Variants in SYN3 observed in about 807,000 individuals in gnomAD.
SYN3 encodes the protein synapsin-3.
Under a neutral mutation model 65.8 loss-of-function variants are expected in SYN3, and 35 were observed. The ratio of observed to expected loss-of-function variants is 0.53; its 90% CI spans 0.41 to 0.70. The LOEUF (loss-of-function observed/expected upper bound fraction) is 0.70. Among genes scored for constraint, SYN3 ranks in the 30% least tolerant of loss-of-function variants. The pLI, the probability that SYN3 is intolerant of heterozygous loss-of-function variation, is 0.00. For missense variants in SYN3, 680 were observed against 749.0 expected, an observed-to-expected ratio of 0.91 and a Z score of 1.08; for synonymous variants, 270 against 292.9, an observed-to-expected ratio of 0.92 and a Z score of 0.80.
At chr22:32,632,098 C>T (rs1040318414) in intron 6 of SYN3, among the ~76,000 whole-genome samples, 1 of 152,216 alleles carries the variant, frequency 6.6e-6, no homozygotes, top group Non-Finnish European at 1.5e-5. Context: ...AATTCCTGGA[C>T]TGGGGGCCTC....
At chr22:32,971,642 C>T (rs773807850) in intron 3 of SYN3, among the ~76,000 whole-genome samples, 9 of 152,136 alleles carry the variant, frequency 5.9e-5, no homozygotes, top group South Asian at 2.1e-4. Context: ...TCACGGGTCA[C>T]GTACAGTCCT....
chr22:33,028,288 A>G (rs2053672484), intron 1 of SYN3, among the ~76,000 whole-genome samples: 1 of 152,166 alleles, frequency 6.6e-6, no homozygotes, highest in Non-Finnish European at 1.5e-5. Context: ...AGAGTGGGAC[A>G]GCCTCAGGAT....
At position 32,767,473 on chromosome 22, in the gene SYN3, A is replaced by G. The variant is rs570482059; in HGVS notation, c.711+97442T>C. Among the ~76,000 whole-genome samples the G allele has an allele frequency of 3.7e-4, 57 of 152,180 alleles. 1 individual carries two copies. The highest frequency in any genetic ancestry group is 1.3e-3 in the African/African-American group (52 of 41,518). On this transcript the variant is annotated intron_variant, in intron 6 of 13. Transcript: ENST00000358763. ...AGATCCATGTTTTGACTGAATTTTC[A>G]TTTGATTGGAATACATCCTTAAGTA...
At chr22:32,774,294 C>G (rs1602114655) in intron 6 of SYN3, among the ~76,000 whole-genome samples, 1 of 152,070 alleles carries the variant, frequency 6.6e-6, no homozygotes, top group South Asian at 2.1e-4. Context: ...TGGATTAGGG[C>G]GGGCTTTAAT....
chr22:32,600,399 T>C (rs992656109), intron 6 of SYN3, among the ~76,000 whole-genome samples: 10 of 152,190 alleles, frequency 6.6e-5, no homozygotes, highest in Admixed American at 1.3e-4. Flanking sequence ...GAAGCCTCAC[T>C]CACTTACCCA....
intron 6 of SYN3, among the ~76,000 whole-genome samples, chr22:32,863,466 T>A (rs1301717861): frequency 6.6e-6 from 1 of 152,132 alleles, no homozygotes; most frequent in African/African-American, 2.4e-5. Context: ...CAAGTATGGC[T>A]TGGCCTAGTT....
intron 1 of SYN3, among the ~76,000 whole-genome samples, chr22:33,021,882 G>GTAC (rs1246923035): frequency 1.3e-5 from 2 of 150,892 alleles, no homozygotes; most frequent in African/African-American, 4.9e-5. Context: ...GTCCACTGAT[G>GTAC]TACTCTAAGC....
chr22:32,548,517 C>T (rs918976285), intron 7 of SYN3, among the ~76,000 whole-genome samples: 12 of 152,044 alleles, frequency 7.9e-5, no homozygotes, highest in African/African-American at 2.2e-4. Context: ...GGACTACAGG[C>T]GCCCACCACC....
At chr22:32,704,398 C>T (rs141163670) in intron 6 of SYN3, among the ~76,000 whole-genome samples, 96 of 152,310 alleles carry the variant, frequency 6.3e-4, no homozygotes, top group African/African-American at 2.1e-3. Flanking sequence ...GACATGATCT[C>T]ATTTTATTTT....
At chr22:32,529,184 G>C in intron 10 of SYN3, 176 bp from the exon 11 acceptor site, 1 of 712,382 alleles carries the variant, frequency 1.4e-6, no homozygotes, top group Non-Finnish European at 2.3e-6. Context: ...AGTTCCCTTC[G>C]GTTCAGTCTA....
intron 7 of SYN3, among the ~76,000 whole-genome samples, chr22:32,554,396 C>G (rs1569032553): frequency 6.6e-6 from 1 of 152,120 alleles, no homozygotes; most frequent in Non-Finnish European, 1.5e-5. Flanking sequence ...TTGTTACCAC[C>G]TTCACCTCTC....
At chr22:32,983,065 T>C (rs751339675) in intron 2 of SYN3, among the ~76,000 whole-genome samples, 9 of 152,098 alleles carry the variant, frequency 5.9e-5, no homozygotes, top group Admixed American at 1.3e-4. Context: ...GTTTCCATTT[T>C]CTCTTTTTGA....
At chr22:32,846,001 C>T (rs1436966840) in intron 6 of SYN3, among the ~76,000 whole-genome samples, 1 of 152,158 alleles carries the variant, frequency 6.6e-6, no homozygotes, top group East Asian at 1.9e-4. Context: ...CTGGGGTTGG[C>T]CAGCAATTCT....
In SYN3 at chr22:32,508,900, A is replaced by G. The variant is rs958122802; in HGVS notation, c.*4792T>C. The stretch of plus-strand genomic sequence containing the variant: ...AACTTCCAGAAGGCAGTTGATGTTC[A>G]GTTTTATGGGGTTTGCTGCTGTGTT... On this transcript the variant is annotated 3_prime_UTR_variant, in exon 14 of 14. Coordinates refer to ENST00000358763, the MANE Select transcript of SYN3 (RefSeq NM_003490.4). Among the ~76,000 whole-genome samples, 14 of 152,170 alleles carry G rather than the reference A, an allele frequency of 9.2e-5. No individual in the cohort carries two copies. Among genetic ancestry groups the G allele is most frequent in the Non-Finnish European group, 1.5e-4 (10 of 68,018 alleles).
At chr22:32,993,474 T>C (rs1000811817) in intron 2 of SYN3, among the ~76,000 whole-genome samples, 2 of 152,086 alleles carry the variant, frequency 1.3e-5, no homozygotes, top group Admixed American at 1.3e-4. Flanking sequence ...TCCTCCCGAG[T>C]AGCTGGGACT....
chr22:32,901,871 T>G (rs2049769546), intron 4 of SYN3, among the ~76,000 whole-genome samples: 1 of 152,244 alleles, frequency 6.6e-6, no homozygotes, highest in Admixed American at 6.5e-5. Flanking sequence ...AATCATGGTT[T>G]GAGCTGGGCC....
At chr22:32,979,804 T>C (rs568058986) in intron 3 of SYN3, among the ~76,000 whole-genome samples, 21 of 152,208 alleles carry the variant, frequency 1.4e-4, no homozygotes, top group African/African-American at 5.1e-4. Flanking sequence ...GTTGGACAGA[T>C]GAAGAAATTG....
intron 6 of SYN3, among the ~76,000 whole-genome samples, chr22:32,788,130 G>A (rs910723684): frequency 2.0e-5 from 3 of 152,048 alleles, no homozygotes; most frequent in African/African-American, 7.2e-5. Flanking sequence ...TCTTGAAATC[G>A]GATAATCCAG....
intron 6 of SYN3, among the ~76,000 whole-genome samples, chr22:32,809,808 G>C (rs907161435): frequency 6.6e-6 from 1 of 152,190 alleles, no homozygotes; most frequent in East Asian, 1.9e-4. Flanking sequence ...TTGGCTTACT[G>C]ATATGCCTAA....
Sources: gnomAD v4.1 joint callset for allele counts (sites outside exome capture counted in the v4.1 genomes callset) on GRCh38, gnomAD v4.1.1 for gene constraint, MANE v1.5 for transcripts, NCBI Gene and HGNC (gene_info 2026-07-23, HGNC 2026-07-21) for gene names.